Variants in COL11A1 observed in about 807,000 individuals in gnomAD.
COL11A1 encodes the protein collagen alpha-1(XI) chain.
In COL11A1, 74 loss-of-function variants were observed where a neutral mutation model predicts 265.2. The ratio of observed to expected loss-of-function variants is 0.28; its 90% CI spans 0.23 to 0.34. The LOEUF (loss-of-function observed/expected upper bound fraction) is 0.34, where lower values mean the gene tolerates loss of function less well. Ranked by LOEUF, COL11A1 falls within the 10% of genes least tolerant of loss-of-function variation. The pLI is 1.00. For synonymous variants in COL11A1, 816 were observed against 727.6 expected, an observed-to-expected ratio of 1.12 and a Z score of -1.96; for missense variants, 2,165 against 2,263.6, an observed-to-expected ratio of 0.96 and a Z score of 0.88.
In COL11A1 at chr1:102,978,909, G is replaced by C; in HGVS notation, c.2660C>G (p.Pro887Arg). The C allele has an allele frequency of 1.2e-6, 2 of 1,614,102 alleles. No individual in the cohort carries two copies. Among genetic ancestry groups the C allele is most frequent in the Non-Finnish European group, 1.7e-6 (2 of 1,180,004 alleles). ...GPRGQRGPTG[P>R]RGSRGARGPT... ...ACCTCTTGCACCTCTTGAACCTCGAGGACCCTGCAGATGAGAACAAAAGAT... is the reference window on the plus strand; with the variant it reads ...ACCTCTTGCACCTCTTGAACCTCGACGACCCTGCAGATGAGAACAAAAGAT... The change falls in exon 34 of 67, where the codon CCT becomes CGT. Residue 887 changes from proline (P) to arginine (R), a missense_variant. Physicochemically the swap from Pro to Arg is moderately radical, Grantham distance 103. Transcript: ENST00000370096.
intron 37 of COL11A1, among the ~76,000 whole-genome samples, chr1:102,967,318 G>T (rs1661525752): frequency 1.6e-5 from 2 of 126,890 alleles, no homozygotes; most frequent in South Asian, 5.2e-4. Flanking sequence ...TCGGCTCACT[G>T]CAAGCTCCGC....
intron 1 of COL11A1, among the ~76,000 whole-genome samples, chr1:103,086,280 A>G (rs776079464): frequency 6.6e-6 from 1 of 151,912 alleles, no homozygotes; most frequent in Non-Finnish European, 1.5e-5. Flanking sequence ...TTGAGGATAG[A>G]CATGAACACA....
chr1:102,928,257 C>G (rs148072148), intron 46 of COL11A1, among the ~76,000 whole-genome samples: 157 of 150,858 alleles, frequency 1.0e-3, no homozygotes, highest in African/African-American at 3.5e-3. Flanking sequence ...CCTCTCCCCC[C>G]ACCCCACCAC....
chr1:103,011,654 A>G (rs1458696788), intron 14 of COL11A1, among the ~76,000 whole-genome samples: 1 of 152,090 alleles, frequency 6.6e-6, no homozygotes, highest in Non-Finnish European at 1.5e-5. Flanking sequence ...TGTACAATAC[A>G]GATAAGATTT....
At chr1:102,918,488 G>A (rs1841837) in intron 49 of COL11A1, among the ~76,000 whole-genome samples, 80,707 of 151,570 alleles carry the variant, frequency 0.53, 25,706 homozygotes, top group East Asian at 0.76. Flanking sequence ...TTTCCAATTA[G>A]AAATGGGTAT....
intron 20 of COL11A1, among the ~76,000 whole-genome samples, 156 bp from the exon 21 acceptor site, chr1:103,003,424 C>T (rs1410750858): frequency 1.3e-5 from 2 of 151,984 alleles, no homozygotes; most frequent in East Asian, 3.9e-4. Context: ...ACATAAATAT[C>T]TAGTGTTTAT....
rs534544766 is a variant in COL11A1, at chr1:103,085,649, C to T, written c.107-2677G>A. ...TATATTCAAAAACAAGCAAAACATT[C>T]AGAGTAGACCATATGCTGGCCAAAT... On this transcript the variant is annotated intron_variant, in intron 1 of 66. Transcript: ENST00000370096. 1.9e-3 allele frequency among the ~76,000 whole-genome samples: 295 copies of T among 152,246 alleles called. 2 individuals carry two copies. Among genetic ancestry groups the T allele is most frequent in the African/African-American group, 6.8e-3 (282 of 41,538 alleles).
intron 4 of COL11A1, among the ~76,000 whole-genome samples, chr1:103,063,936 G>T (rs564294437): frequency 3.3e-5 from 5 of 152,148 alleles, no homozygotes; most frequent in Non-Finnish European, 5.9e-5. Context: ...CAGATGGAAA[G>T]TAAGCCTATG....
At chr1:102,911,541 G>A (rs1191309431) in intron 54 of COL11A1, among the ~76,000 whole-genome samples, 1 of 152,174 alleles carries the variant, frequency 6.6e-6, no homozygotes, top group Non-Finnish European at 1.5e-5. Flanking sequence ...GCTGCTGTAA[G>A]AGGCAGGTCT....
intron 15 of COL11A1, 132 bp downstream of exon 15, chr1:103,008,331 A>G (rs1665813114): frequency 1.4e-6 from 1 of 707,872 alleles, no homozygotes; most frequent in Non-Finnish European, 2.4e-6. Flanking sequence ...TTAATTTCAA[A>G]ATAAACCCTC....
intron 36 of COL11A1, among the ~76,000 whole-genome samples, chr1:102,970,820 T>C (rs1329192799): frequency 6.6e-6 from 1 of 151,782 alleles, no homozygotes; most frequent in Non-Finnish European, 1.5e-5. Flanking sequence ...TCAAGACCAT[T>C]CTGACCAACA....
At chr1:103,044,627 G>T (rs1401044451) in intron 4 of COL11A1, among the ~76,000 whole-genome samples, 2 of 152,056 alleles carry the variant, frequency 1.3e-5, no homozygotes, top group Non-Finnish European at 2.9e-5. Context: ...TAATTAAAAG[G>T]TTATAAAAAG....
chr1:103,103,888 A>G (rs1054654194), intron 1 of COL11A1, among the ~76,000 whole-genome samples: 2 of 152,032 alleles, frequency 1.3e-5, no homozygotes, highest in Non-Finnish European at 2.9e-5. Flanking sequence ...TAGAACTTGC[A>G]CTACTAAGTT....
At chr1:103,073,260 A>G (rs1396553056) in intron 4 of COL11A1, among the ~76,000 whole-genome samples, 1 of 151,848 alleles carries the variant, frequency 6.6e-6, no homozygotes, top group East Asian at 1.9e-4. Flanking sequence ...AATTCCACTG[A>G]TACTGTGCTT....
At chr1:102,903,843 A>G (rs1410791081) in intron 54 of COL11A1, among the ~76,000 whole-genome samples, 1 of 152,198 alleles carries the variant, frequency 6.6e-6, no homozygotes, top group Admixed American at 6.5e-5. Flanking sequence ...GTGTATAAAC[A>G]GAGTGATCTC....
At chr1:102,927,137 T>C (rs1656686577) in intron 46 of COL11A1, among the ~76,000 whole-genome samples, 1 of 152,090 alleles carries the variant, frequency 6.6e-6, no homozygotes, top group African/African-American at 2.4e-5. Context: ...ATCATATTTA[T>C]AAAAATAAAG....
intron 4 of COL11A1, among the ~76,000 whole-genome samples, chr1:103,063,533 T>C (rs1670837205): frequency 6.6e-6 from 1 of 152,058 alleles, no homozygotes; most frequent in Admixed American, 6.5e-5. Flanking sequence ...AATATCTAAA[T>C]ACAAACCTTA....
intron 1 of COL11A1, among the ~76,000 whole-genome samples, chr1:103,092,730 T>A (rs1673425205): frequency 1.3e-5 from 2 of 152,160 alleles, no homozygotes; most frequent in South Asian, 4.1e-4. Context: ...TGATCTCTCA[T>A]GTTTCTTGTG....
At chr1:103,059,289 G>A (rs1670476630) in intron 4 of COL11A1, among the ~76,000 whole-genome samples, 1 of 152,090 alleles carries the variant, frequency 6.6e-6, no homozygotes, top group African/African-American at 2.4e-5. Flanking sequence ...AGGTCATGGG[G>A]TGAGGGACTG....
Sources: allele counts gnomAD v4.1 joint callset (sites outside exome capture counted in the v4.1 genomes callset), GRCh38; gene constraint gnomAD v4.1.1; transcripts MANE v1.5; gene names NCBI Gene and HGNC (gene_info 2026-07-23, HGNC 2026-07-21).